LYPLAL1: variants seen among roughly 807,000 people sequenced by gnomAD.
The protein encoded by LYPLAL1 is lysophospholipase like 1.
LYPLAL1 carries 23 observed loss-of-function variants against 19.7 expected under a neutral mutation model. The observed-to-expected ratio is 1.17, with a 90% confidence interval of 0.84 to 1.65. The LOEUF is 1.65. Ranked by LOEUF, LYPLAL1 falls within the 40% of genes most tolerant of loss-of-function variation. LYPLAL1 has a pLI of 0.00. For synonymous variants in LYPLAL1, 119 were observed against 96.3 expected, an observed-to-expected ratio of 1.24 and a Z score of -1.38; for missense variants, 355 against 279.4, an observed-to-expected ratio of 1.27 and a Z score of -1.93.
chr1:219,176,487 G>A (rs1052273920), intron 1 of LYPLAL1, among the ~76,000 whole-genome samples: 1 of 152,080 alleles, frequency 6.6e-6, no homozygotes, highest in African/African-American at 2.4e-5. Context: ...TCAATGTAAT[G>A]GACATTTTCA....
chr1:219,232,445 TAAG>T, the LYPLAL1 span, among the ~76,000 whole-genome samples: 5 of 152,126 alleles, frequency 3.3e-5, no homozygotes, highest in African/African-American at 9.6e-5. Flanking sequence ...GAAAAAAACA[TAAG>T]AAGAAAGTTT....
the LYPLAL1 span, among the ~76,000 whole-genome samples, chr1:219,243,608 A>T: frequency 6.6e-6 from 1 of 152,062 alleles, no homozygotes; most frequent in African/African-American, 2.4e-5. Context: ...CCAGCTACAC[A>T]TAGCTGTTTT....
the LYPLAL1 span, among the ~76,000 whole-genome samples, chr1:219,291,398 G>A: frequency 1.3e-5 from 2 of 152,148 alleles, no homozygotes; most frequent in South Asian, 2.1e-4. Context: ...GAAGTAAAAA[G>A]CATACAAATA....
the LYPLAL1 span, chr1:219,411,921 T>G: frequency 1.2e-5 from 2 of 162,710 alleles, no homozygotes; most frequent in Non-Finnish European, 2.6e-5. Context: ...CAGTTTGATT[T>G]TGAAGAATCT....
chr1:219,435,846 T>C, the LYPLAL1 span, among the ~76,000 whole-genome samples: 1 of 151,878 alleles, frequency 6.6e-6, no homozygotes, highest in African/African-American at 2.4e-5. Context: ...ATAATAATAA[T>C]AATAATAGTG....
rs530848413 is a variant in LYPLAL1, at chr1:219,181,838, T to A, written c.191+2592T>A. On this transcript the variant is annotated intron_variant, in intron 2 of 4. Transcript: ENST00000366928. ...GCAGTTTATATGATACTTACTTCTG[T>A]ATCCCTACAGACACTGAGGGATACT... Among the ~76,000 whole-genome samples the A allele has an allele frequency of 1.4e-4, 22 of 152,280 alleles. No homozygotes were observed. In the South Asian group the frequency reaches 3.9e-3, roughly 27 times the overall value.
chr1:219,263,813 G>A, the LYPLAL1 span, among the ~76,000 whole-genome samples: 169 of 152,242 alleles, frequency 1.1e-3, 2 homozygotes, highest in East Asian at 0.015. Flanking sequence ...TTCAGATTCC[G>A]CAGTGGGATG....
the LYPLAL1 span, among the ~76,000 whole-genome samples, chr1:219,358,177 A>G: frequency 1.8e-4 from 28 of 152,354 alleles, no homozygotes; most frequent in East Asian, 5.4e-3. Context: ...TAGAAGGTTC[A>G]GAGATTTCAG....
At chr1:219,178,333 C>G (rs1446674154) in intron 1 of LYPLAL1, among the ~76,000 whole-genome samples, 1 of 152,142 alleles carries the variant, frequency 6.6e-6, no homozygotes, top group African/African-American at 2.4e-5. Flanking sequence ...GCTACACACT[C>G]CATGAGAATA....
At chr1:219,306,805 G>GACAGATGC in the LYPLAL1 span, among the ~76,000 whole-genome samples, 3 of 134,660 alleles carry the variant, frequency 2.2e-5, no homozygotes, top group Middle Eastern at 7.5e-3. Context: ...CAGATGCATA[G>GACAGATGC]ATAGATATAG....
At chr1:219,294,396 CT>C in the LYPLAL1 span, among the ~76,000 whole-genome samples, 3 of 149,916 alleles carry the variant, frequency 2.0e-5, no homozygotes, top group African/African-American at 7.3e-5. Context: ...GCATTTTCTT[CT>C]GACTCAGTCT....
the LYPLAL1 span, among the ~76,000 whole-genome samples, chr1:219,253,297 A>G: frequency 2.3e-4 from 35 of 151,406 alleles, no homozygotes; most frequent in African/African-American, 8.2e-4. Flanking sequence ...GTTCAACTCT[A>G]ATTTTGTATT....
the LYPLAL1 span, among the ~76,000 whole-genome samples, chr1:219,422,304 T>G: frequency 1.2e-3 from 180 of 152,326 alleles, no homozygotes; most frequent in African/African-American, 4.2e-3. Context: ...CATAAACAGG[T>G]TGCAGGCTGG....
the LYPLAL1 span, among the ~76,000 whole-genome samples, chr1:219,319,106 G>T: frequency 6.6e-6 from 1 of 152,128 alleles, no homozygotes; most frequent in Non-Finnish European, 1.5e-5. Context: ...AACTAAACAG[G>T]TGTTGGTAAA....
chr1:219,240,310 A>C, the LYPLAL1 span, among the ~76,000 whole-genome samples: 2 of 152,234 alleles, frequency 1.3e-5, no homozygotes, highest in African/African-American at 2.4e-5. Flanking sequence ...CAAGCATGGA[A>C]AAATCTTTAG....
the LYPLAL1 span, among the ~76,000 whole-genome samples, chr1:219,386,247 G>A: frequency 6.6e-6 from 1 of 152,158 alleles, no homozygotes; most frequent in African/African-American, 2.4e-5. Context: ...AAATCTTTGG[G>A]TAGAACCAGT....
At chr1:219,343,531 G>C in the LYPLAL1 span, among the ~76,000 whole-genome samples, 1 of 152,120 alleles carries the variant, frequency 6.6e-6, no homozygotes, top group East Asian at 1.9e-4. Context: ...TATGGTAATA[G>C]CTCAATTATT....
chr1:219,260,842 G>C, the LYPLAL1 span, among the ~76,000 whole-genome samples: 7 of 151,604 alleles, frequency 4.6e-5, no homozygotes, highest in Admixed American at 2.0e-4. Context: ...ACCTTTAATA[G>C]TTTTTAGAAA....
chr1:219,269,355 C>A, the LYPLAL1 span, among the ~76,000 whole-genome samples: 1 of 152,196 alleles, frequency 6.6e-6, no homozygotes, highest in East Asian at 1.9e-4. Flanking sequence ...TGAAGGCATG[C>A]CAAAAGGAAA....
Sources: gnomAD v4.1 joint callset for allele counts (sites outside exome capture counted in the v4.1 genomes callset) on GRCh38, gnomAD v4.1.1 for gene constraint, MANE v1.5 for transcripts, NCBI Gene and HGNC (gene_info 2026-07-23, HGNC 2026-07-21) for gene names.